SLIT1: variants seen among roughly 807,000 people sequenced by gnomAD.
SLIT1 encodes the protein slit homolog 1 protein.
Under a neutral mutation model 186.1 loss-of-function variants are expected in SLIT1, and 66 were observed. The ratio of observed to expected loss-of-function variants is 0.35; its 90% CI spans 0.29 to 0.44. The LOEUF (loss-of-function observed/expected upper bound fraction) is 0.44. Among genes scored for constraint, SLIT1 ranks in the 20% least tolerant of loss-of-function variants. SLIT1 has a pLI of 1.00. For synonymous variants in SLIT1, 761 were observed against 833.8 expected (o/e 0.91, Z 1.50); for missense variants, 1,638 against 2,037.4 (o/e 0.80, Z 3.77).
rs1020548989 is a variant in SLIT1 at position 97,081,150 on chromosome 10, C to T, written c.414-15064G>A. On this transcript the variant is annotated intron_variant, in intron 4 of 36. Transcript: ENST00000266058. Reference sequence around the variant, plus strand: ...TTGAGGACCAGGGGTGGGCCTGGGGCTGGGAAAGGCAGGATTTAATGTGGT... The same window carrying T: ...TTGAGGACCAGGGGTGGGCCTGGGGTTGGGAAAGGCAGGATTTAATGTGGT... Among the ~76,000 whole-genome samples, 3 of 152,132 alleles carry T rather than the reference C, an allele frequency of 2.0e-5. No homozygotes were observed. In the East Asian group the frequency reaches 5.8e-4, roughly 29 times the overall value.
intron 4 of SLIT1, chr10:97,154,461 C>G (rs1286174048): frequency 6.6e-6 from 1 of 151,882 alleles, no homozygotes; most frequent in African/African-American, 2.4e-5. Flanking sequence ...AAAGAAAAGT[C>G]TGCCTTCACC....
chr10:97,060,227 G>T, intron 9 of SLIT1, 69 bp from the exon 10 acceptor site: 2 of 1,266,016 alleles, frequency 1.6e-6, no homozygotes, highest in Non-Finnish European at 2.3e-6. Context: ...TATCTGCTGG[G>T]CTCACCTGCC....
rs1281977477 is a variant in SLIT1, at chr10:97,006,792, G to A, written c.3342-72C>T. Reference sequence around the variant, plus strand: ...TATCTTCCTCTCCCACAGCCCTGGAGAGAAATTCACTAAACATCTTGGGAA... The same window carrying A: ...TATCTTCCTCTCCCACAGCCCTGGAAAGAAATTCACTAAACATCTTGGGAA... On this transcript the variant is annotated intron_variant, in intron 31 of 36. Coordinates refer to ENST00000266058, the MANE Select transcript of SLIT1 (RefSeq NM_003061.3). This position sits in a 1 kb window ranked among gnomAD's most constrained non-coding sequence, Gnocchi z 4.0. 2.3e-5 allele frequency: 24 copies of A among 1,022,946 alleles called. No individual in the cohort carries two copies. The highest frequency in any genetic ancestry group is 3.6e-5 in the Non-Finnish European group (24 of 666,846). 63.4% of individuals were successfully genotyped at this position (1,022,946 alleles called of 1,614,324 possible).
At chr10:97,042,774 C>T in intron 20 of SLIT1, 127 bp downstream of exon 20, 1 of 1,014,414 alleles carries the variant, frequency 9.9e-7, no homozygotes, top group East Asian at 2.6e-5. Flanking sequence ...CCCCTCCCCA[C>T]CTAACCTCTC....
Position 97,013,264 on chromosome 10 carries a change from TATTACCAA to T in SLIT1, c.3203+469_3203+476del, listed in dbSNP as rs140233521. 7.2e-5 allele frequency among the ~76,000 whole-genome samples: 11 copies of T among 152,320 alleles called. No homozygotes were observed. In the East Asian group the frequency reaches 2.1e-3, roughly 29 times the overall value. Reference sequence around the variant, plus strand: ...TCTCACACCAGTGCGGGGCAGCTTTTATTACCAAATACGTCCACCTCAGATCAGATCTG... The same window carrying T: ...TCTCACACCAGTGCGGGGCAGCTTTTATACGTCCACCTCAGATCAGATCTG... On this transcript the variant is annotated intron_variant, in intron 30 of 36. Coordinates refer to ENST00000266058, the MANE Select transcript of SLIT1 (RefSeq NM_003061.3).
chr10:97,122,542 C>T (rs902473), intron 4 of SLIT1, among the ~76,000 whole-genome samples: 1 of 151,790 alleles, frequency 6.6e-6, no homozygotes, highest in African/African-American at 2.4e-5. Flanking sequence ...CAGACATGGC[C>T]TGGATGATGT....
At chr10:97,081,093 C>T (rs11189002) in intron 4 of SLIT1, among the ~76,000 whole-genome samples, 55,998 of 152,080 alleles carry the variant, frequency 0.37, 11,552 homozygotes, top group African/African-American at 0.56. Context: ...CTCATCCAGA[C>T]TCTGAGGGGC....
At chr10:97,085,294 T>G (rs1849147262) in intron 4 of SLIT1, among the ~76,000 whole-genome samples, 1 of 152,150 alleles carries the variant, frequency 6.6e-6, no homozygotes, top group Non-Finnish European at 1.5e-5. Flanking sequence ...TCAAAGGCAC[T>G]GCTGGACTCC....
intron 4 of SLIT1, among the ~76,000 whole-genome samples, chr10:97,138,480 G>A (rs569969073): frequency 9.2e-5 from 14 of 152,190 alleles, no homozygotes; most frequent in Non-Finnish European, 1.9e-4. Context: ...CCTTCCCTTC[G>A]GGATGACTGA....
chr10:97,002,178 GA>G lies in SLIT1; in HGVS notation c.4345del (p.Ser1449ArgfsTer55). The G allele has an allele frequency of 6.7e-7, 1 of 1,490,802 alleles. No individual in the cohort carries two copies. The highest frequency in any genetic ancestry group is 1.3e-5 in the South Asian group (1 of 76,360). The allele number at this position is 1,490,802 out of a possible 1,614,324, so 92.3% of individuals were successfully genotyped here. A position where few individuals can be genotyped will look rare whatever the true frequency, so the allele number is the denominator to read the frequency against. Reference sequence around the variant, plus strand: ...CTGACCTTGCTCACACAGCTCGCCCGAAAAGCCGGGGTCACACACACAGTGT... The same window carrying G: ...CTGACCTTGCTCACACAGCTCGCCCGAAAGCCGGGGTCACACACACAGTGT... ...GAHCVCDPGF[S>X]GELCEQESEC... On this transcript the variant is annotated frameshift_variant, in exon 36 of 37. Coordinates refer to ENST00000266058, the MANE Select transcript of SLIT1 (RefSeq NM_003061.3). LOFTEE classifies it high-confidence loss of function.
chr10:97,148,082 AGCCTGGATCT>A (rs1299517606), intron 4 of SLIT1, among the ~76,000 whole-genome samples: 1 of 152,196 alleles, frequency 6.6e-6, no homozygotes, highest in African/African-American at 2.4e-5. Flanking sequence ...CTGTACTCCA[AGCCTGGATCT>A]GCCAACAACT....
intron 4 of SLIT1, chr10:97,154,930 G>A (rs1849929501): frequency 6.6e-6 from 1 of 152,184 alleles, no homozygotes; most frequent in Admixed American, 6.5e-5. Context: ...GGAGTCAGAG[G>A]GCTTCATCCT....
intron 4 of SLIT1, among the ~76,000 whole-genome samples, chr10:97,151,362 G>A (rs1040039880): frequency 6.0e-5 from 9 of 150,762 alleles, no homozygotes; most frequent in East Asian, 3.9e-4. Context: ...GTGGGAGGGG[G>A]AGGGTTGATG....
In SLIT1 at chr10:97,019,038, G is replaced by A. The variant is rs949343797; in HGVS notation, c.2816C>T (p.Thr939Ile). ...CACCTCAAGGGGGTCGTTGTGGCAG[G>A]TGCCCTGGTTCTGGCACGGACTGGA... ...CLSSPCQNQG[T>I]CHNDPLEVYR... Residue 939 changes from threonine (T) to isoleucine (I), a missense_variant, in exon 27 of 37, where the codon ACC becomes ATC. Physicochemically the swap from Thr to Ile is moderately conservative, Grantham distance 89. Transcript: ENST00000266058. The A allele has an allele frequency of 1.9e-6, 3 of 1,613,924 alleles. No homozygotes were observed. Among genetic ancestry groups the A allele is most frequent in the East Asian group, 2.2e-5 (1 of 44,868 alleles).
At chr10:97,056,497 G>C (rs769078954) in intron 12 of SLIT1, 33 bp from the exon 13 acceptor site, 23 of 1,612,478 alleles carry the variant, frequency 1.4e-5, no homozygotes, top group Non-Finnish European at 2.0e-5. Context: ...GTGGTGAGGA[G>C]AGAGGCTCGA....
In SLIT1 at chr10:97,039,936, T is replaced by C. The variant is rs1848675184; in HGVS notation, c.2297+52A>G. ...CCAGCCCCTCAGGAAATGCCCCCAC[T>C]GTCCCCGTCCTGTGGACCCACGTGA... On this transcript the variant is annotated intron_variant, in intron 21 of 36. Coordinates refer to ENST00000266058, the MANE Select transcript of SLIT1 (RefSeq NM_003061.3). The C allele has an allele frequency of 1.0e-5, 16 of 1,596,108 alleles. No individual in the cohort carries two copies. In the South Asian group the frequency reaches 1.6e-4, roughly 16 times the overall value.
chr10:97,096,250 G>A (rs528244957), intron 4 of SLIT1, among the ~76,000 whole-genome samples: 1 of 152,044 alleles, frequency 6.6e-6, no homozygotes, highest in Non-Finnish European at 1.5e-5. Context: ...GATGTCACTT[G>A]TTTTTTTAAT....
intron 5 of SLIT1, 21 bp from the exon 6 acceptor site, chr10:97,064,897 G>A (rs1219655499): frequency 1.9e-6 from 3 of 1,604,884 alleles, no homozygotes; most frequent in Non-Finnish European, 2.6e-6. Context: ...AAGGAAGGTT[G>A]TAGAGAGAAG....
intron 24 of SLIT1, 89 bp downstream of exon 24, chr10:97,031,517 A>C: frequency 9.8e-7 from 1 of 1,021,402 alleles, no homozygotes; most frequent in South Asian, 1.5e-5. Context: ...CGTGGGCCCT[A>C]GACATGGGAA....
Sources: allele counts gnomAD v4.1 joint callset (sites outside exome capture counted in the v4.1 genomes callset), GRCh38; gene constraint gnomAD v4.1.1; non-coding constraint Gnocchi (gnomAD v3.1); transcripts MANE v1.5; gene names NCBI Gene and HGNC (gene_info 2026-07-23, HGNC 2026-07-21).